Variants in CDH16 observed in about 807,000 individuals in gnomAD.
The protein encoded by CDH16 is cadherin-16.
In CDH16, 79 loss-of-function variants were observed where a neutral mutation model predicts 87.6. The observed-to-expected ratio is 0.90, with a 90% CI of 0.75 to 1.09. CDH16 has a LOEUF of 1.09. Among genes scored for constraint, CDH16 ranks in the 50% least tolerant of loss-of-function variants. The pLI, the probability that CDH16 is intolerant of heterozygous loss-of-function variation, is 0.00. For missense variants in CDH16, 1,124 were observed against 1,071.7 expected (o/e 1.05, Z -0.68); for synonymous variants, 457 against 439.5 (o/e 1.04, Z -0.50).
Position 66,916,450 on chromosome 16 carries a change from T to C in CDH16, c.130-21A>G. 6.4e-7 allele frequency: 1 copy of C among 1,570,218 alleles called. No homozygotes were observed. The highest frequency in any genetic ancestry group is 8.7e-7 in the Non-Finnish European group (1 of 1,155,308). On this transcript the variant is annotated intron_variant, in intron 3 of 17. Coordinates refer to ENST00000299752, the MANE Select transcript of CDH16 (RefSeq NM_004062.4). This position sits in a 1 kb window ranked among gnomAD's most constrained non-coding sequence, Gnocchi z 4.1. ...GGCAACTGATGGAAATGAACAGAAG[T>C]GAAGGGAGCGGTGGCCAGGCCTGGG...
In CDH16 at chr16:66,910,452, C is replaced by A. The variant is rs1347699110; in HGVS notation, c.1975G>T (p.Ala659Ser). 7.6e-6 allele frequency: 12 copies of A among 1,572,968 alleles called. No individual in the cohort carries two copies. Among genetic ancestry groups the A allele is most frequent in the Non-Finnish European group, 1.0e-5 (12 of 1,155,742 alleles). ...AGAGTCAGGGCTGGGGCAGGAGGGG[C>A]CTTTAGGAAGTGGATCACCAGGGGT... ...SAPLVIHFLK[A>S]PPAPALTLAP... Residue 659 changes from alanine (A) to serine (S), a missense_variant, in exon 15 of 18, where the codon GCC (alanine) becomes TCC (serine). Transcript: ENST00000299752.
rs149946944 is a variant in CDH16, at chr16:66,913,384, T to C, written c.904-103A>G. ...TGGGCCAGCTCCAGCTCTTCGGGGCTCTTTCCCACTGCCTCAGCCTCTGTT... is the reference window on the plus strand; with the variant it reads ...TGGGCCAGCTCCAGCTCTTCGGGGCCCTTTCCCACTGCCTCAGCCTCTGTT... On this transcript the variant is annotated intron_variant, in intron 8 of 17. Transcript: ENST00000299752. 1.0e-3 allele frequency: 1,586 copies of C among 1,568,944 alleles called. 7 individuals are homozygous for C. The African/African-American group carries it at 0.011, about 11-fold the overall frequency.
At chr16:66,910,952 G>A (rs1377509544) in intron 14 of CDH16, 5 of 498,868 alleles carry the variant, frequency 1.0e-5, no homozygotes, top group Admixed American at 7.4e-5. Flanking sequence ...GGGAGATTTT[G>A]TGTGTCAATC....
chr16:66,910,100 G>A lies in CDH16; in HGVS notation c.2168-7C>T, dbSNP rs779411854. 1.9e-6 allele frequency: 3 copies of A among 1,606,468 alleles called. No individual in the cohort carries two copies. The highest frequency in any genetic ancestry group is 2.6e-6 in the Non-Finnish European group (3 of 1,175,808). On this transcript the variant is annotated splice_polypyrimidine_tract_variant and splice_region_variant and intron_variant, in intron 15 of 17. Coordinates refer to ENST00000299752, the MANE Select transcript of CDH16 (RefSeq NM_004062.4). ...GTGAGGTAGGCATGGGAACCTTTTGGGACAGCAGGCAAAGACCAGGGTCAC... is the reference window on the plus strand; with the variant it reads ...GTGAGGTAGGCATGGGAACCTTTTGAGACAGCAGGCAAAGACCAGGGTCAC...
rs919618175 is a variant in CDH16 at position 66,918,055 on chromosome 16, G to T, written c.11C>A (p.Ala4Asp). The T allele has an allele frequency of 1.3e-6, 2 of 1,585,484 alleles. No homozygotes were observed. Among genetic ancestry groups the T allele is most frequent in the Non-Finnish European group, 1.7e-6 (2 of 1,165,688 alleles). MVP[A>D]WLWLLCVSVP... The stretch of plus-strand genomic sequence containing the variant: ...GGAGACACAAAGCAGCCACAGCCAG[G>T]CAGGGACCATGGTCAGGACAGGCCT... Residue 4 changes from alanine to aspartate, a missense_variant, in exon 2 of 18, where the codon GCC becomes GAC. Physicochemically the swap from Ala to Asp is moderately radical, Grantham distance 126. Transcript: ENST00000299752.
At position 66,913,246 on chromosome 16, in the gene CDH16, G is replaced by T. The variant is rs966297274; in HGVS notation, c.939C>A (p.Gly313=). 17 of 1,566,356 alleles carry T rather than the reference G, an allele frequency of 1.1e-5. No individual in the cohort carries two copies. The highest frequency in any genetic ancestry group is 1.5e-5 in the Non-Finnish European group (17 of 1,155,518). ...LLQVRAQNSH[G]EDYAAPLELH... ...GCTCCAGAGGGGCCGCATAGTCCTC[G>T]CCATGGGAATTCTGAGCCCGCACCT... Residue 313 remains glycine, a synonymous_variant, in exon 9 of 18, where the codon GGC becomes GGA. Coordinates refer to ENST00000299752, the MANE Select transcript of CDH16 (RefSeq NM_004062.4).
At chr16:66,918,124 G>A in intron 1 of CDH16, 46 bp from the exon 2 acceptor site, 2 of 1,377,868 alleles carry the variant, frequency 1.5e-6, no homozygotes, top group Non-Finnish European at 2.0e-6. Context: ...GGTAGGGAGG[G>A]GCTTTCCATC....
At chr16:66,911,426 A>T in intron 13 of CDH16, 111 bp from the exon 14 acceptor site, 1 of 1,122,876 alleles carries the variant, frequency 8.9e-7, no homozygotes, top group Non-Finnish European at 1.2e-6. Context: ...TCTGTGACTC[A>T]GGGGCCACAG....
At chr16:66,914,798 G>T (rs1034532442) in intron 6 of CDH16, among the ~76,000 whole-genome samples, 5 of 152,148 alleles carry the variant, frequency 3.3e-5, no homozygotes, top group African/African-American at 1.2e-4. Flanking sequence ...GGACTGTGTA[G>T]GTTGTTGGGC....
chr16:66,913,379 G>A (rs995351388), intron 8 of CDH16, 98 bp from the exon 9 acceptor site: 8 of 1,565,760 alleles, frequency 5.1e-6, no homozygotes, highest in East Asian at 4.5e-5. Flanking sequence ...CCAGCTCTTC[G>A]GGGCTCTTTC....
chr16:66,917,387 G>A (rs1567537466), intron 3 of CDH16, among the ~76,000 whole-genome samples: 1 of 151,906 alleles, frequency 6.6e-6, no homozygotes, highest in Non-Finnish European at 1.5e-5. Flanking sequence ...CTAGATTTGG[G>A]TTCCATTCCC....
Position 66,918,073 on chromosome 16 carries a change from A to G in CDH16, c.-8T>C. ...CAGCCAGGCAGGGACCATGGTCAGG[A>G]CAGGCCTGAGGGACACGGCAGTGAG... On this transcript the variant is annotated 5_prime_UTR_variant, in exon 2 of 18. Coordinates refer to ENST00000299752, the MANE Select transcript of CDH16 (RefSeq NM_004062.4). The G allele has an allele frequency of 3.8e-6, 6 of 1,578,492 alleles. No homozygotes were observed. Among genetic ancestry groups the G allele is most frequent in the Non-Finnish European group, 4.3e-6 (5 of 1,161,846 alleles).
At chr16:66,917,591 G>A in intron 3 of CDH16, 51 bp downstream of exon 3, 1 of 1,307,296 alleles carries the variant, frequency 7.6e-7, no homozygotes, top group Non-Finnish European at 1.1e-6. Flanking sequence ...GGAGAAGCAG[G>A]ACTTTGCGGG....
chr16:66,911,324 C>G lies in CDH16; in HGVS notation c.1791-9G>C, dbSNP rs1430290537. 1 of 1,612,660 alleles carries G rather than the reference C, an allele frequency of 6.2e-7. No homozygotes were observed. Reference sequence around the variant, plus strand: ...CATTGACTAGGGAGAACCTGCCGCCCAAAGAAGGAGGTGAGGAGGTACTGG... The same window carrying G: ...CATTGACTAGGGAGAACCTGCCGCCGAAAGAAGGAGGTGAGGAGGTACTGG... On this transcript the variant is annotated splice_polypyrimidine_tract_variant and intron_variant, in intron 13 of 17. Coordinates refer to ENST00000299752, the MANE Select transcript of CDH16 (RefSeq NM_004062.4).
At position 66,908,419 on chromosome 16, in the gene CDH16, G is replaced by A. The variant is rs1447535477; in HGVS notation, c.2463C>T (p.Asp821=). The change falls in exon 18 of 18, where the codon GAC becomes GAT. Residue 821 remains aspartate, a synonymous_variant. Transcript: ENST00000299752. ...AGACAGTCGCCTTCAGGGGCACGCTGTCTGCTGGTTGATCCGGGTCCTTCT... is the reference window on the plus strand; with the variant it reads ...AGACAGTCGCCTTCAGGGGCACGCTATCTGCTGGTTGATCCGGGTCCTTCT... ...SRKKDPDQPA[D]SVPLKATV The A allele has an allele frequency of 9.9e-6, 16 of 1,613,970 alleles. No individual in the cohort carries two copies. The East Asian group carries it at 3.3e-4, about 34-fold the overall frequency.
intron 13 of CDH16, 58 bp from the exon 14 acceptor site, chr16:66,911,373 G>A: frequency 1.3e-6 from 2 of 1,566,400 alleles, no homozygotes; most frequent in Non-Finnish European, 1.7e-6. Flanking sequence ...GTTTTGCTCA[G>A]AATCCCCCAG....
rs1962289419 is a variant in CDH16 at position 66,909,103 on chromosome 16, T to C, written c.2392+164A>G. Among the ~76,000 whole-genome samples, 1 of 152,216 alleles carries C rather than the reference T, an allele frequency of 6.6e-6. No homozygotes were observed. Among genetic ancestry groups the C allele is most frequent in the Admixed American group, 6.5e-5 (1 of 15,292 alleles). On this transcript the variant is annotated intron_variant, in intron 17 of 17. Transcript: ENST00000299752. The surrounding 1 kb of genome is among the most constrained non-coding windows in gnomAD (Gnocchi z 4.1). ...CCGTAGATGCTACTATCAATGATGA[T>C]GACAATGACTATGATCAAAGGGCAG...
Position 66,911,169 on chromosome 16 carries a change from T to A in CDH16, c.1924+13A>T. ...ACCCCCTCCCAGGGGCTCCCATCAC[T>A]GCCTGGCCATACCTGTATCCTGGGC... On this transcript the variant is annotated intron_variant, in intron 14 of 17. Coordinates refer to ENST00000299752, the MANE Select transcript of CDH16 (RefSeq NM_004062.4). 1.2e-6 allele frequency: 2 copies of A among 1,605,040 alleles called. No individual in the cohort carries two copies. The highest frequency in any genetic ancestry group is 1.7e-6 in the Non-Finnish European group (2 of 1,174,692).
rs370253779 is a variant in CDH16, at chr16:66,909,236, G to T, written c.2392+31C>A. 3 of 1,363,586 alleles carry T rather than the reference G, an allele frequency of 2.2e-6. No homozygotes were observed. Among genetic ancestry groups the T allele is most frequent in the South Asian group, 1.2e-5 (1 of 86,054 alleles). 84.5% of individuals were successfully genotyped at this position (1,363,586 alleles called of 1,614,324 possible). ...GTGGTCCCAACCACCCATCGCCCTC[G>T]CCCACGCAGGTAATGTCCAACCTCC... On this transcript the variant is annotated intron_variant, in intron 17 of 17. Coordinates refer to ENST00000299752, the MANE Select transcript of CDH16 (RefSeq NM_004062.4). The surrounding 1 kb of genome is among the most constrained non-coding windows in gnomAD (Gnocchi z 4.1).
Sources: allele counts gnomAD v4.1 joint callset (sites outside exome capture counted in the v4.1 genomes callset), GRCh38; gene constraint gnomAD v4.1.1; non-coding constraint Gnocchi (gnomAD v3.1); transcripts MANE v1.5; gene names NCBI Gene and HGNC (gene_info 2026-07-23, HGNC 2026-07-21).